IPMK: variants seen among roughly 807,000 people sequenced by gnomAD.
IPMK encodes inositol 1,3,4,6-tetrakisphosphate 5-kinase.
Under a neutral mutation model 45.8 loss-of-function variants are expected in IPMK, and 17 were observed. The observed-to-expected ratio is 0.37, with a 90% CI of 0.25 to 0.56. IPMK has a LOEUF of 0.56. Ranked by LOEUF, IPMK falls within the 20% of genes least tolerant of loss-of-function variation. The pLI is 0.79. For synonymous variants in IPMK, 180 were observed against 184.3 expected (o/e 0.98, Z 0.19); for missense variants, 399 against 498.0 (o/e 0.80, Z 1.89).
chr10:58,262,064 CA>C (rs1839078612), intron 1 of IPMK, among the ~76,000 whole-genome samples: 1 of 151,638 alleles, frequency 6.6e-6, no homozygotes, highest in Non-Finnish European at 1.5e-5. Flanking sequence ...GGACACAGGG[CA>C]GGGAACATCA....
intron 3 of IPMK, among the ~76,000 whole-genome samples, chr10:58,217,912 C>A (rs899073559): frequency 6.6e-6 from 1 of 151,860 alleles, no homozygotes; most frequent in African/African-American, 2.4e-5. Flanking sequence ...TTCATTATCC[C>A]CATTCCACCA....
At chr10:58,207,823 G>A (rs1838092985) in intron 4 of IPMK, among the ~76,000 whole-genome samples, 1 of 152,166 alleles carries the variant, frequency 6.6e-6, no homozygotes, top group South Asian at 2.1e-4. Context: ...CAAGGCCAGA[G>A]AAGTTTTCCG....
intron 1 of IPMK, among the ~76,000 whole-genome samples, chr10:58,248,980 T>C (rs905114656): frequency 6.6e-6 from 1 of 152,236 alleles, no homozygotes; most frequent in African/African-American, 2.4e-5. Flanking sequence ...ATTGTGAATA[T>C]AGCTACAATA....
At chr10:58,227,520 C>T (rs1250429976) in intron 2 of IPMK, among the ~76,000 whole-genome samples, 1 of 152,170 alleles carries the variant, frequency 6.6e-6, no homozygotes, top group African/African-American at 2.4e-5. Flanking sequence ...AAATTCACAT[C>T]AAACTTCCAT....
In IPMK at chr10:58,267,504, C is replaced by A. The variant is rs371337489; in HGVS notation, c.108G>T (p.Ala36=). ...CGTTGAGGAAGCGGAGTCTGCCGCC[C>A]GCCGGCTGCGGGGTGCCCTCAGGGG... ...ESTPEGTPQP[A]GGRLRFLNGC... The change falls in exon 1 of 6, where the codon GCG becomes GCT. Residue 36 remains alanine, a synonymous_variant. Coordinates refer to ENST00000373935, the MANE Select transcript of IPMK (RefSeq NM_152230.5). The A allele has an allele frequency of 5.3e-5, 86 of 1,613,328 alleles. No homozygotes were observed. The African/African-American group carries it at 1.1e-3, about 20-fold the overall frequency.
At chr10:58,206,837 T>G (rs1192529762) in intron 4 of IPMK, among the ~76,000 whole-genome samples, 1 of 152,162 alleles carries the variant, frequency 6.6e-6, no homozygotes, top group Non-Finnish European at 1.5e-5. Flanking sequence ...TTTTGCATCC[T>G]CAAAACCTAG....
chr10:58,229,193 C>T (rs1025843806), intron 2 of IPMK, among the ~76,000 whole-genome samples: 1 of 152,106 alleles, frequency 6.6e-6, no homozygotes, highest in Admixed American at 6.5e-5. Flanking sequence ...AAGGGACTCT[C>T]AACTGATAGA....
chr10:58,209,670 CTG>C (rs1193580291), intron 4 of IPMK, among the ~76,000 whole-genome samples: 2 of 152,196 alleles, frequency 1.3e-5, no homozygotes, highest in East Asian at 3.9e-4. Flanking sequence ...GAGGTAGACT[CTG>C]TGAGAATCCT....
rs779527924 is a variant in IPMK at position 58,196,309 on chromosome 10, G to A, written c.1018C>T (p.Leu340=). Residue 340 remains leucine (L), a synonymous_variant, in exon 6 of 6, where the codon CTG becomes TTG. Coordinates refer to ENST00000373935, the MANE Select transcript of IPMK (RefSeq NM_152230.5). ...CTTTTCCACCCATTGTCTTGCTCCAGATTTTCAACTTTCAATGAAGTCTGA... is the reference window on the plus strand; with the variant it reads ...CTTTTCCACCCATTGTCTTGCTCCAAATTTTCAACTTTCAATGAAGTCTGA... ...HSQTSLKVEN[L]EQDNGWKSMS... 7 of 1,614,018 alleles carry A rather than the reference G, an allele frequency of 4.3e-6. No homozygotes were observed. The African/African-American group carries it at 5.3e-5, about 12-fold the overall frequency.
At chr10:58,241,877 CA>C (rs1158262784) in intron 1 of IPMK, among the ~76,000 whole-genome samples, 1 of 151,834 alleles carries the variant, frequency 6.6e-6, no homozygotes, top group African/African-American at 2.4e-5. Context: ...TTAAAGGACA[CA>C]AACACTCAGT....
chr10:58,231,895 G>T (rs1588962515), intron 2 of IPMK, among the ~76,000 whole-genome samples: 1 of 152,122 alleles, frequency 6.6e-6, no homozygotes, highest in East Asian at 1.9e-4. Flanking sequence ...ATTGGATAAA[G>T]AATCAAGACC....
chr10:58,222,822 T>C (rs1838356961), intron 3 of IPMK, among the ~76,000 whole-genome samples: 1 of 152,200 alleles, frequency 6.6e-6, no homozygotes, highest in Admixed American at 6.5e-5. Context: ...GGATATTGTT[T>C]TCATGCCCAA....
chr10:58,263,599 T>G (rs969839074), intron 1 of IPMK, among the ~76,000 whole-genome samples: 3 of 151,876 alleles, frequency 2.0e-5, no homozygotes, highest in African/African-American at 7.3e-5. Flanking sequence ...GCAGGAGGAT[T>G]GCTTGAGCCC....
chr10:58,225,706 G>A (rs1564532866), intron 3 of IPMK, among the ~76,000 whole-genome samples: 1 of 152,012 alleles, frequency 6.6e-6, no homozygotes, highest in Non-Finnish European at 1.5e-5. Context: ...ACTTTACTGA[G>A]GAATAATGAT....
At chr10:58,230,442 A>G (rs1838496741) in intron 2 of IPMK, among the ~76,000 whole-genome samples, 1 of 152,194 alleles carries the variant, frequency 6.6e-6, no homozygotes, top group South Asian at 2.1e-4. Flanking sequence ...CCCCTCTCGG[A>G]CAAAGCTTCC....
intron 3 of IPMK, among the ~76,000 whole-genome samples, chr10:58,217,412 G>A (rs1838260640): frequency 6.6e-6 from 1 of 151,656 alleles, no homozygotes; most frequent in Non-Finnish European, 1.5e-5. Flanking sequence ...GTCTCGGCCA[G>A]GTGAGGTACC....
chr10:58,196,156 G>A lies in IPMK; in HGVS notation c.1171C>T (p.Pro391Ser). ...VRMIDFAHVFPSNTIDEGYVY... is the reference protein window; with the variant it reads ...VRMIDFAHVFSSNTIDEGYVY... ...TATCCCTCATCTATTGTGTTGCTAG[G>A]GAACACATGAGCAAAATCTATCATT... The change falls in exon 6 of 6, where the codon CCT (proline) becomes TCT (serine). Residue 391 changes from proline (P) to serine (S), a missense_variant. Pro to Ser is a moderately conservative substitution (Grantham distance 74). Around this residue, in one of 2 missense-constraint regions of IPMK, gnomAD observed 288 missense variants for 398.0 expected, o/e 0.72. Transcript: ENST00000373935. 1 of 1,613,942 alleles carries A rather than the reference G, an allele frequency of 6.2e-7. No homozygotes were observed. The highest frequency in any genetic ancestry group is 8.5e-7 in the Non-Finnish European group (1 of 1,179,904).
intron 3 of IPMK, among the ~76,000 whole-genome samples, chr10:58,224,731 A>T (rs940685072): frequency 6.6e-6 from 1 of 152,166 alleles, no homozygotes; most frequent in African/African-American, 2.4e-5. Flanking sequence ...TCTACCCTGG[A>T]CACATAAGAA....
At chr10:58,221,812 G>A (rs1455749277) in intron 3 of IPMK, among the ~76,000 whole-genome samples, 5 of 151,424 alleles carry the variant, frequency 3.3e-5, no homozygotes, top group Non-Finnish European at 7.4e-5. Flanking sequence ...GCAGTGGTGT[G>A]ATCTTGGCTC....
Sources: gnomAD v4.1 joint callset for allele counts (sites outside exome capture counted in the v4.1 genomes callset) on GRCh38, gnomAD v4.1.1 for gene constraint, gnomAD v4.1.1 regional missense constraint, MANE v1.5 for transcripts, NCBI Gene and HGNC (gene_info 2026-07-23, HGNC 2026-07-21) for gene names.